GALNTL6: variants seen among roughly 807,000 people sequenced by gnomAD.
GALNTL6 encodes the protein polypeptide N-acetylgalactosaminyltransferase-like 6.
GALNTL6 carries 46 observed loss-of-function variants against 73.7 expected under a neutral mutation model. The observed-to-expected ratio is 0.62, with a 90% CI of 0.49 to 0.80. The LOEUF is 0.80. GALNTL6 is among the 30% of genes least tolerant of loss of function. GALNTL6 has a pLI of 0.00. For missense variants in GALNTL6, 604 were observed against 755.0 expected (o/e 0.80, Z 2.34); for synonymous variants, 259 against 263.7 (o/e 0.98, Z 0.17).
chr4:172,425,003 T>A (rs543600709), intron 5 of GALNTL6, among the ~76,000 whole-genome samples: 46 of 152,248 alleles, frequency 3.0e-4, no homozygotes, highest in Non-Finnish European at 4.4e-4. Flanking sequence ...AACATTATTA[T>A]GAGCTTTATT....
chr4:172,914,008 C>A (rs552645378), intron 8 of GALNTL6, among the ~76,000 whole-genome samples: 1 of 152,226 alleles, frequency 6.6e-6, no homozygotes, highest in Non-Finnish European at 1.5e-5. Context: ...TCAGGTTACC[C>A]ACAAAGGGAA....
intron 7 of GALNTL6, among the ~76,000 whole-genome samples, chr4:172,836,845 C>T (rs1742936091): frequency 1.3e-5 from 2 of 152,114 alleles, no homozygotes. Flanking sequence ...CATTGATGAT[C>T]TAATTGCCGA....
chr4:171,840,522 C>T (rs1735210638), intron 2 of GALNTL6, among the ~76,000 whole-genome samples: 2 of 152,140 alleles, frequency 1.3e-5, no homozygotes, highest in South Asian at 4.1e-4. Flanking sequence ...CCGTGATGGC[C>T]CCCATCATTC....
intron 4 of GALNTL6, among the ~76,000 whole-genome samples, chr4:172,338,718 C>T (rs1473620558): frequency 1.3e-5 from 2 of 152,142 alleles, no homozygotes; most frequent in Non-Finnish European, 2.9e-5. Flanking sequence ...TACATAATGG[C>T]CTGAGCTCCT....
At chr4:172,437,206 T>A (rs1203045146) in intron 5 of GALNTL6, among the ~76,000 whole-genome samples, 2 of 152,152 alleles carry the variant, frequency 1.3e-5, no homozygotes, top group African/African-American at 4.8e-5. Flanking sequence ...CCTGTTTGTC[T>A]CACCTTTTTA....
rs2062561372 is a variant in GALNTL6 at position 172,611,298 on chromosome 4, GT to G, written c.554-198059del. 3.9e-5 allele frequency among the ~76,000 whole-genome samples: 6 copies of G among 152,136 alleles called. No individual in the cohort carries two copies. In the South Asian group the frequency reaches 1.2e-3, roughly 32 times the overall value. ...ATCAGTGGTCTATGTACTTAAGTGT[GT>G]TTTGTGGTGGCAAGTAATGGTCTTT... On this transcript the variant is annotated intron_variant, in intron 5 of 12. Coordinates refer to ENST00000506823, the MANE Select transcript of GALNTL6 (RefSeq NM_001034845.3).
In GALNTL6 at chr4:172,101,832, A is replaced by T. The variant is rs182305841; in HGVS notation, c.139-127824A>T. On this transcript the variant is annotated intron_variant, in intron 2 of 12. Coordinates refer to ENST00000506823, the MANE Select transcript of GALNTL6 (RefSeq NM_001034845.3). ...TTTACTTCATTATTTGTTTATTTTT[A>T]TACCTTTTGAAAATAATTCCTAAAG... Among the ~76,000 whole-genome samples, 398 of 152,214 alleles carry T rather than the reference A, an allele frequency of 2.6e-3. 3 individuals carry two copies. Among genetic ancestry groups the T allele is most frequent in the African/African-American group, 9.0e-3 (375 of 41,544 alleles).
chr4:172,752,157 C>T (rs981442541), intron 5 of GALNTL6, among the ~76,000 whole-genome samples: 3 of 151,552 alleles, frequency 2.0e-5, no homozygotes, highest in Non-Finnish European at 4.4e-5. Flanking sequence ...TTTTGGTAAG[C>T]TTGTTTAATC....
At chr4:172,364,185 G>A (rs963013841) in intron 5 of GALNTL6, among the ~76,000 whole-genome samples, 2 of 152,200 alleles carry the variant, frequency 1.3e-5, no homozygotes, top group African/African-American at 4.8e-5. Context: ...TCTGTGGGGA[G>A]CCAAAGGCAG....
At chr4:171,961,138 C>T (rs1257841401) in intron 2 of GALNTL6, among the ~76,000 whole-genome samples, 1 of 152,004 alleles carries the variant, frequency 6.6e-6, no homozygotes, top group Non-Finnish European at 1.5e-5. Context: ...ATGGTAGCAC[C>T]AATTCTCCAA....
chr4:172,122,316 A>C (rs1458035413), intron 2 of GALNTL6, among the ~76,000 whole-genome samples: 1 of 152,054 alleles, frequency 6.6e-6, no homozygotes, highest in African/African-American at 2.4e-5. Context: ...AAGGGGAAAG[A>C]GTCTCATTAT....
intron 5 of GALNTL6, among the ~76,000 whole-genome samples, chr4:172,793,258 T>C (rs372084136): frequency 2.0e-5 from 3 of 152,150 alleles, no homozygotes; most frequent in East Asian, 3.8e-4. Flanking sequence ...TTAATCATGG[T>C]GGTAGAAAAA....
intron 5 of GALNTL6, among the ~76,000 whole-genome samples, chr4:172,366,825 A>C (rs948004922): frequency 5.9e-5 from 9 of 152,216 alleles, no homozygotes; most frequent in African/African-American, 2.2e-4. Context: ...TTGTCCAAAA[A>C]GAGAATGAAT....
intron 2 of GALNTL6, among the ~76,000 whole-genome samples, chr4:172,156,903 C>A (rs1734306325): frequency 6.6e-6 from 1 of 152,018 alleles, no homozygotes; most frequent in African/African-American, 2.4e-5. Context: ...CCATTATATA[C>A]TTGTTATATA....
intron 5 of GALNTL6, among the ~76,000 whole-genome samples, chr4:172,403,405 A>G (rs1472799387): frequency 3.9e-5 from 6 of 152,092 alleles, no homozygotes; most frequent in African/African-American, 1.4e-4. Flanking sequence ...CGTACATGCC[A>G]TGAAGAGAAC....
chr4:172,783,788 T>G (rs1407608884), intron 5 of GALNTL6, among the ~76,000 whole-genome samples: 1 of 152,032 alleles, frequency 6.6e-6, no homozygotes, highest in African/African-American at 2.4e-5. Flanking sequence ...AGAGAATATT[T>G]GTTTCATAAG....
At chr4:172,628,592 C>A (rs1186988142) in intron 5 of GALNTL6, among the ~76,000 whole-genome samples, 2 of 151,908 alleles carry the variant, frequency 1.3e-5, no homozygotes, top group African/African-American at 4.8e-5. Flanking sequence ...CTGGCCGTTT[C>A]TTTAACCAAA....
intron 5 of GALNTL6, among the ~76,000 whole-genome samples, chr4:172,406,546 A>C (rs1161192953): frequency 1.3e-5 from 2 of 152,162 alleles, no homozygotes; most frequent in East Asian, 3.9e-4. Context: ...AGAGAAAAAA[A>C]TAAGACTATT....
intron 2 of GALNTL6, among the ~76,000 whole-genome samples, chr4:172,057,723 A>T (rs1370806162): frequency 0.064 from 3,742 of 58,358 alleles, 46 homozygotes; most frequent in Non-Finnish European, 0.083. Flanking sequence ...AAAAAAAAAA[A>T]AAAAATATAT....
Sources: gnomAD v4.1 joint callset for allele counts (sites outside exome capture counted in the v4.1 genomes callset) on GRCh38, gnomAD v4.1.1 for gene constraint, MANE v1.5 for transcripts, NCBI Gene and HGNC (gene_info 2026-07-23, HGNC 2026-07-21) for gene names.